NBN: variants seen among roughly 807,000 people sequenced by gnomAD.
The protein encoded by NBN is nibrin, also known as Nijmegen breakage syndrome 1 (nibrin).
In NBN, 88 loss-of-function variants were observed where a neutral mutation model predicts 90.8. The observed-to-expected ratio is 0.97, with a 90% CI of 0.82 to 1.16. The LOEUF is 1.16. Ranked by LOEUF, NBN falls within the 50% of genes most tolerant of loss-of-function variation. NBN has a pLI of 0.00. For missense variants in NBN, 894 were observed against 869.6 expected (o/e 1.03, Z -0.35); for synonymous variants, 328 against 295.1 (o/e 1.11, Z -1.14).
intron 2 of NBN, 174 bp downstream of exon 2, chr8:89,982,548 A>G: frequency 1.6e-6 from 1 of 621,334 alleles, no homozygotes; most frequent in South Asian, 2.0e-5. Context: ...ATGAACAAAT[A>G]CCACTGGTAC....
chr8:89,982,364 T>C, intron 2 of NBN: 1 of 331,274 alleles, frequency 3.0e-6, no homozygotes, highest in Non-Finnish European at 5.7e-6. Context: ...GCACAGTTAC[T>C]GACACATAAA....
chr8:89,937,519 TA>T (rs13312965), intron 14 of NBN, among the ~76,000 whole-genome samples: 330 of 152,336 alleles, frequency 2.2e-3, no homozygotes, highest in African/African-American at 7.5e-3. Flanking sequence ...AAGCTGCTGC[TA>T]AATTACCTCT....
intron 7 of NBN, among the ~76,000 whole-genome samples, chr8:89,965,650 C>T (rs2129795864): frequency 6.6e-6 from 1 of 152,186 alleles, no homozygotes; most frequent in Admixed American, 6.5e-5. Flanking sequence ...CCAACACACC[C>T]AGCTAATTTT....
intron 14 of NBN, 189 bp from the exon 15 acceptor site, chr8:89,937,264 C>T: frequency 1.7e-6 from 1 of 595,054 alleles, no homozygotes; most frequent in Non-Finnish European, 3.0e-6. Context: ...AAGATTATTA[C>T]AAAAGAGCTC....
At chr8:89,972,923 A>G (rs1811582594) in intron 5 of NBN, among the ~76,000 whole-genome samples, 1 of 152,238 alleles carries the variant, frequency 6.6e-6, no homozygotes, top group African/African-American at 2.4e-5. Context: ...TAAATTATCT[A>G]CAGCTTTCTA....
chr8:89,969,203 T>C (rs13312887), intron 7 of NBN, among the ~76,000 whole-genome samples: 6 of 152,218 alleles, frequency 3.9e-5, no homozygotes, highest in Admixed American at 6.5e-5. Flanking sequence ...TCTACAATAC[T>C]TACTGGCTTC....
At chr8:89,937,743 C>CTAATCATAAG (rs1809758492) in intron 14 of NBN, among the ~76,000 whole-genome samples, 2 of 152,168 alleles carry the variant, frequency 1.3e-5, no homozygotes, top group Non-Finnish European at 2.9e-5. Context: ...TCTTCATAAC[C>CTAATCATAAG]TGGTTCCATT....
intron 5 of NBN, 116 bp from the exon 6 acceptor site, chr8:89,971,406 AT>A (rs1157177574): frequency 1.0e-4 from 124 of 1,202,132 alleles, no homozygotes; most frequent in Middle Eastern, 3.0e-4. Context: ...CCTTTATAGT[AT>A]TTTTTTTAAG....
intron 8 of NBN, among the ~76,000 whole-genome samples, chr8:89,960,976 C>G (rs147391403): frequency 6.6e-6 from 1 of 152,126 alleles, no homozygotes; most frequent in Non-Finnish European, 1.5e-5. Context: ...AACCTACCTA[C>G]GAAAATATGC....
chr8:89,958,164 T>C (rs1048230634), intron 9 of NBN, among the ~76,000 whole-genome samples: 2 of 152,056 alleles, frequency 1.3e-5, no homozygotes, highest in Non-Finnish European at 2.9e-5. Flanking sequence ...GAGGTGGAGC[T>C]CAGGCGGTAA....
intron 4 of NBN, among the ~76,000 whole-genome samples, chr8:89,980,464 C>T (rs1168836536): frequency 1.3e-5 from 2 of 151,628 alleles, no homozygotes; most frequent in African/African-American, 4.8e-5. Context: ...ATAACCTTCT[C>T]GGTGGAAGGA....
Position 89,934,062 on chromosome 8 carries a change from C to G in NBN, c.*1520G>C, listed in dbSNP as rs1404391884. ...ATAAAAACTGCTATAGTAGGGCAGT[C>G]TTCCTTAGAAAGGGATTGTGGGCAT... On this transcript the variant is annotated 3_prime_UTR_variant, in exon 16 of 16. Transcript: ENST00000265433. 1 of 230,256 alleles carries G rather than the reference C, an allele frequency of 4.3e-6. No individual in the cohort carries two copies. The highest frequency in any genetic ancestry group is 2.2e-5 in the African/African-American group (1 of 45,204). 14.3% of individuals were successfully genotyped at this position (230,256 alleles called of 1,614,324 possible). A position where few individuals can be genotyped will look rare whatever the true frequency, so the allele number is the denominator to read the frequency against.
rs28538230 is a variant in NBN at position 89,955,363 on chromosome 8, T to C, written c.1317A>G (p.Ile439Met). The change falls in exon 10 of 16, where the codon ATA becomes ATG. Residue 439 changes from isoleucine to methionine, a missense_variant. Ile to Met is a conservative substitution (Grantham distance 10, BLOSUM62 1). Coordinates refer to ENST00000265433, the MANE Select transcript of NBN (RefSeq NM_002485.5). The part of the protein sequence containing the change: ...YQLSPTKLPS[I>M]NKSKDRASQQ... Reference sequence around the variant, plus strand: ...GAGAAGCCCTATCTTTACTTTTATTTATACTTGGCAATTTAGTTGGTGAAA... The same window carrying C: ...GAGAAGCCCTATCTTTACTTTTATTCATACTTGGCAATTTAGTTGGTGAAA... 308 of 1,613,870 alleles carry C rather than the reference T, an allele frequency of 1.9e-4. 1 individual carries two copies. In the African/African-American group the frequency reaches 3.8e-3, roughly 20 times the overall value.
At chr8:89,968,747 T>G (rs1811367324) in intron 7 of NBN, among the ~76,000 whole-genome samples, 1 of 152,210 alleles carries the variant, frequency 6.6e-6, no homozygotes, top group East Asian at 1.9e-4. Context: ...GCTTCCTTTA[T>G]ATACATGTGT....
intron 10 of NBN, 125 bp downstream of exon 10, chr8:89,955,158 G>T: frequency 1.1e-6 from 1 of 934,538 alleles, no homozygotes; most frequent in Non-Finnish European, 1.6e-6. Flanking sequence ...AGGGAAAGCG[G>T]TCAAAAAGCT....
At chr8:89,941,356 A>G (rs1463343440) in intron 14 of NBN, among the ~76,000 whole-genome samples, 3 of 152,172 alleles carry the variant, frequency 2.0e-5, no homozygotes, top group Admixed American at 6.5e-5. Flanking sequence ...GGACTGGCAT[A>G]AGGTAAGGGA....
chr8:89,968,590 G>A (rs141100753), intron 7 of NBN, among the ~76,000 whole-genome samples: 58 of 152,232 alleles, frequency 3.8e-4, no homozygotes, highest in Non-Finnish European at 6.2e-4. Flanking sequence ...TGCTATGTAG[G>A]ATAATTTTTT....
At chr8:89,980,615 T>G (rs887130871) in intron 4 of NBN, 119 bp downstream of exon 4, 19 of 823,138 alleles carry the variant, frequency 2.3e-5, no homozygotes, top group Admixed American at 4.8e-5. Flanking sequence ...TGGGTATATA[T>G]AAATCTACAA....
In NBN at chr8:89,958,819, G is replaced by A. The variant is rs767215758; in HGVS notation, c.1030C>T (p.Gln344Ter). The A allele has an allele frequency of 1.2e-6, 2 of 1,613,778 alleles. No homozygotes were observed. The highest frequency in any genetic ancestry group is 3.3e-5 in the Admixed American group (2 of 60,018). ...KTTTPGPSLS[Q>*]GVSVDEKLMP... Reference sequence around the variant, plus strand: ...AGTTTTTCATCAACTGACACGCCTTGTGAAAGGCTTGGTCCTGGAGTTGTT... The same window carrying A: ...AGTTTTTCATCAACTGACACGCCTTATGAAAGGCTTGGTCCTGGAGTTGTT... Residue 344 changes from glutamine to a stop codon, truncating the protein, a stop_gained, in exon 9 of 16, where the codon CAA becomes TAA. Transcript: ENST00000265433. LOFTEE classifies it high-confidence loss of function.
Sources: allele counts gnomAD v4.1 joint callset (sites outside exome capture counted in the v4.1 genomes callset), GRCh38; gene constraint gnomAD v4.1.1; transcripts MANE v1.5; gene names NCBI Gene and HGNC (gene_info 2026-07-23, HGNC 2026-07-21).